Variants in MYO7B observed in about 807,000 individuals in gnomAD.
MYO7B encodes the protein unconventional myosin-VIIb.
A neutral mutation model predicts 259.7 loss-of-function variants in MYO7B; 212 were observed. The ratio of observed to expected loss-of-function variants is 0.82; its 90% CI spans 0.73 to 0.91. MYO7B has a LOEUF of 0.91. MYO7B is among the 40% of genes least tolerant of loss of function. MYO7B has a pLI of 0.00. For missense variants in MYO7B, 2,732 were observed against 2,813.5 expected, an observed-to-expected ratio of 0.97 and a Z score of 0.66; for synonymous variants, 1,197 against 1,166.4, an observed-to-expected ratio of 1.03 and a Z score of -0.54.
Position 127,637,533 on chromosome 2 carries a change from C to G in MYO7B, c.*116C>G. 2.5e-6 allele frequency: 2 copies of G among 785,548 alleles called. No homozygotes were observed. Among genetic ancestry groups the G allele is most frequent in the Non-Finnish European group, 2.0e-6 (1 of 512,776 alleles). 48.7% of individuals were successfully genotyped at this position (785,548 alleles called of 1,614,324 possible). The stretch of plus-strand genomic sequence containing the variant: ...TGGCGGGCAGCCTTCCATGCTGCCC[C>G]CCATACAAAGCCCACTCAGCCCCGC... On this transcript the variant is annotated 3_prime_UTR_variant, in exon 48 of 48. Transcript: ENST00000409816.
At position 127,635,129 on chromosome 2, in the gene MYO7B, T is replaced by C. The variant is rs753302129; in HGVS notation, c.5723T>C (p.Val1908Ala). 1.9e-6 allele frequency: 3 copies of C among 1,612,448 alleles called. No individual in the cohort carries two copies. In the East Asian group the frequency reaches 6.7e-5, roughly 36 times the overall value. Residue 1908 changes from valine (V) to alanine (A), a missense_variant, in exon 43 of 48, where the codon GTG (valine) becomes GCG (alanine). By Grantham distance (64) the Val-to-Ala change is moderately conservative. Transcript: ENST00000409816. Reference sequence around the variant, plus strand: ...GCTGGCCCTCGCCCAGGGGCCCCCGTGACGCTCCCCTACCAGGTGTACTTC... The same window carrying C: ...GCTGGCCCTCGCCCAGGGGCCCCCGCGACGCTCCCCTACCAGGTGTACTTC... ...KNKPQKEGAP[V>A]TLPYQVYFMR...
intron 19 of MYO7B, among the ~76,000 whole-genome samples, chr2:127,604,760 A>G (rs764585026): frequency 4.6e-5 from 7 of 152,180 alleles, no homozygotes; most frequent in Non-Finnish European, 8.8e-5. Context: ...CAGAGAAAAG[A>G]GAGAGAGATG....
chr2:127,553,470 T>A (rs1693529395), intron 1 of MYO7B, among the ~76,000 whole-genome samples: 1 of 152,246 alleles, frequency 6.6e-6, no homozygotes, highest in East Asian at 1.9e-4. Flanking sequence ...TAGAGGGCTT[T>A]CACTTCCTTG....
In MYO7B at chr2:127,564,273, G is replaced by C. The variant is rs1404365611; in HGVS notation, c.132+7G>C. The C allele has an allele frequency of 1.3e-6, 2 of 1,556,078 alleles. No individual in the cohort carries two copies. Among genetic ancestry groups the C allele is most frequent in the Non-Finnish European group, 1.7e-6 (2 of 1,148,314 alleles). On this transcript the variant is annotated splice_region_variant and intron_variant, in intron 3 of 47. Transcript: ENST00000409816. The stretch of plus-strand genomic sequence containing the variant: ...TGAAGATGACGAGGGCAAGGTCAGT[G>C]TTCTGGGGTTTCCTCTGGGCCCTGC...
Position 127,565,213 on chromosome 2 carries a change from G to A in MYO7B, c.133-20G>A. 6.2e-7 allele frequency: 1 copy of A among 1,611,304 alleles called. No homozygotes were observed. Among genetic ancestry groups the A allele is most frequent in the South Asian group, 1.1e-5 (1 of 90,662 alleles). ...GGGATGGAGGCCACCCCTCAGGGGA[G>A]TCTGCACCCATTGTTCCAGGAACAC... On this transcript the variant is annotated intron_variant, in intron 3 of 47. Coordinates refer to ENST00000409816, the MANE Select transcript of MYO7B (RefSeq NM_001393586.1).
At position 127,584,001 on chromosome 2, in the gene MYO7B, T is replaced by G. The variant is rs1372543629; in HGVS notation, c.1344-121T>G. ...CATCTCTGTGTACACGAGGTGTGCA[T>G]CTGTGGGCATATCTGTATGCAGCTG... On this transcript the variant is annotated intron_variant, in intron 12 of 47. Transcript: ENST00000409816. The surrounding 1 kb of genome is among the most constrained non-coding windows in gnomAD (Gnocchi z 5.8). 2.4e-6 allele frequency: 2 copies of G among 824,710 alleles called. No homozygotes were observed. The highest frequency in any genetic ancestry group is 3.4e-5 in the African/African-American group (2 of 59,308). The allele number at this position is 824,710 out of a possible 1,614,324, so 51.1% of individuals were successfully genotyped here. A position where few individuals can be genotyped will look rare whatever the true frequency, so the allele number is the denominator to read the frequency against.
chr2:127,609,631 C>G lies in MYO7B; in HGVS notation c.2940C>G (p.Tyr980Ter). The change falls in exon 23 of 48, where the codon TAC becomes TAG. Residue 980 changes from tyrosine to a stop codon, truncating the protein, a stop_gained. Transcript: ENST00000409816. LOFTEE classifies it high-confidence loss of function. This position sits in a 1 kb window ranked among gnomAD's most constrained non-coding sequence, Gnocchi z 6.9. Reference protein sequence around the residue: ...EYTFPKFAVTYFQKSASHTHI... With the variant: ...EYTFPKFAVT ...CCTTCCCCAAGTTTGCTGTGACTTA[C>G]TTCCAGAAATCAGCCAGCCACACAC... is the stretch of plus-strand genomic sequence containing the variant. 6.2e-7 allele frequency: 1 copy of G among 1,614,034 alleles called. No homozygotes were observed. Among genetic ancestry groups the G allele is most frequent in the Non-Finnish European group, 8.5e-7 (1 of 1,179,906 alleles).
chr2:127,629,609 C>T, intron 34 of MYO7B, 36 bp from the exon 35 acceptor site: 1 of 1,592,118 alleles, frequency 6.3e-7, no homozygotes, highest in Non-Finnish European at 8.6e-7. Flanking sequence ...CTGGCCCCTG[C>T]AGAGCCCTCA....
Position 127,584,128 on chromosome 2 carries a change from G to A in MYO7B, c.1350G>A (p.Glu450=). ...AGTGACCTTGCCTCCACAGCTTCGA[G>A]CAGCTCTGCATCAACTTCGCCAACG... ...GFENFENNSF[E]QLCINFANEH... The change falls in exon 13 of 48, where the codon GAG becomes GAA. Residue 450 remains glutamate, a synonymous_variant. Coordinates refer to ENST00000409816, the MANE Select transcript of MYO7B (RefSeq NM_001393586.1). The surrounding 1 kb of genome is among the most constrained non-coding windows in gnomAD (Gnocchi z 5.8). 1 of 1,612,672 alleles carries A rather than the reference G, an allele frequency of 6.2e-7. No homozygotes were observed. The highest frequency in any genetic ancestry group is 1.1e-5 in the South Asian group (1 of 90,802).
intron 19 of MYO7B, among the ~76,000 whole-genome samples, chr2:127,599,298 T>A (rs536777394): frequency 6.6e-6 from 1 of 152,344 alleles, no homozygotes; most frequent in East Asian, 1.9e-4. Context: ...CATGTTTTTT[T>A]TGGAATTATA....
At position 127,552,557 on chromosome 2, in the gene MYO7B, G is replaced by A. The variant is rs540118738; in HGVS notation, c.-23-7143G>A. Among the ~76,000 whole-genome samples, 22 of 152,304 alleles carry A rather than the reference G, an allele frequency of 1.4e-4. No individual in the cohort carries two copies. In the South Asian group the frequency reaches 2.5e-3, roughly 17 times the overall value. On this transcript the variant is annotated intron_variant, in intron 1 of 47. Coordinates refer to ENST00000409816, the MANE Select transcript of MYO7B (RefSeq NM_001393586.1). ...AGGGCTGGGGGTCAGAGGAGGAGAC[G>A]TCTATGGTATGTGACAGGCCATGTG... is the stretch of plus-strand genomic sequence containing the variant.
rs1680188543 is a variant in MYO7B, at chr2:127,607,233, G to A, written c.2452G>A (p.Ala818Thr). 9 of 1,549,886 alleles carry A rather than the reference G, an allele frequency of 5.8e-6. No homozygotes were observed. Among genetic ancestry groups the A allele is most frequent in the Middle Eastern group, 1.9e-4 (1 of 5,192 alleles). The change falls in exon 21 of 48, where the codon GCT (alanine) becomes ACT (threonine). Residue 818 changes from alanine to threonine, a missense_variant. Around this residue, in one of 3 missense-constraint regions of MYO7B, gnomAD observed 1,906 missense variants for 2,026.4 expected, o/e 0.94. Transcript: ENST00000409816. The surrounding 1 kb of genome is among the most constrained non-coding windows in gnomAD (Gnocchi z 4.4). Reference sequence around the variant, plus strand: ...CCTCGTGGGCTTTGAGCGCCTGCAGGCTATTGCCCGGAGCCAGCCGCTGGC... The same window carrying A: ...CCTCGTGGGCTTTGAGCGCCTGCAGACTATTGCCCGGAGCCAGCCGCTGGC... ...LILVGFERLQ[A>T]IARSQPLARQ...
In MYO7B at chr2:127,547,445, C is replaced by A. The variant is rs200159357; in HGVS notation, c.-24+11614C>A. Among the ~76,000 whole-genome samples the A allele has an allele frequency of 5.3e-5, 8 of 152,280 alleles. No homozygotes were observed. In the East Asian group the frequency reaches 7.7e-4, roughly 15 times the overall value. ...AAATTCATATCAGATCAAGTACAGA[C>A]ACACTGAGGTAAAAGAGAACATGGG... On this transcript the variant is annotated intron_variant, in intron 1 of 47. Transcript: ENST00000409816.
chr2:127,581,169 C>A (rs1023210963), intron 10 of MYO7B, among the ~76,000 whole-genome samples: 1 of 152,170 alleles, frequency 6.6e-6, no homozygotes, highest in Non-Finnish European at 1.5e-5. Flanking sequence ...ATCAGACTAG[C>A]CCTGCCCTGT....
In MYO7B at chr2:127,627,408, C is replaced by T. The variant is rs566535412; in HGVS notation, c.4460+98C>T. On this transcript the variant is annotated intron_variant, in intron 33 of 47. Transcript: ENST00000409816. The surrounding 1 kb of genome is among the most constrained non-coding windows in gnomAD (Gnocchi z 5.6). Reference sequence around the variant, plus strand: ...TGGGGAGAGGGGCAGTGTGCCGTCCCGGGTAACAGGCCGGGGTGGAGGGAC... The same window carrying T: ...TGGGGAGAGGGGCAGTGTGCCGTCCTGGGTAACAGGCCGGGGTGGAGGGAC... The T allele has an allele frequency of 6.9e-5, 104 of 1,512,824 alleles. No homozygotes were observed. Among genetic ancestry groups the T allele is most frequent in the Middle Eastern group, 3.4e-4 (2 of 5,864 alleles). The allele number at this position is 1,512,824 out of a possible 1,614,324, so 93.7% of individuals were successfully genotyped here. A position where few individuals can be genotyped will look rare whatever the true frequency, so the allele number is the denominator to read the frequency against.
rs1047474815 is a variant in MYO7B at position 127,578,148 on chromosome 2, T to C, written c.865T>C (p.Cys289Arg). 7.4e-6 allele frequency: 12 copies of C among 1,613,786 alleles called. No homozygotes were observed. Among genetic ancestry groups the C allele is most frequent in the Non-Finnish European group, 1.7e-6 (2 of 1,179,868 alleles). Residue 289 changes from cysteine to arginine, a missense_variant, in exon 9 of 48, where the codon TGT (cysteine) becomes CGT (arginine). Physicochemically the swap from Cys to Arg is radical, Grantham distance 180. This residue lies in a region of MYO7B where 1,906 missense variants were observed against 2,026.4 expected (regional missense o/e 0.94). Coordinates refer to ENST00000409816, the MANE Select transcript of MYO7B (RefSeq NM_001393586.1). ...HYLTMGNCTS[C>R]EGLNDAKDYA... is the part of the protein sequence containing the mutation. Reference sequence around the variant, plus strand: ...TGTCCCTCAGGGGAACTGCACTTCCTGTGAGGGGCTCAACGACGCCAAGGA... The same window carrying C: ...TGTCCCTCAGGGGAACTGCACTTCCCGTGAGGGGCTCAACGACGCCAAGGA...
chr2:127,634,135 C>G, intron 40 of MYO7B, 41 bp from the exon 41 acceptor site: 1 of 1,506,008 alleles, frequency 6.6e-7, no homozygotes, highest in South Asian at 1.2e-5. Context: ...GTACTGGCCC[C>G]TAGCCAGGCC....
In MYO7B at chr2:127,636,441, G is replaced by A. The variant is rs538634016; in HGVS notation, c.6124-104G>A. 5.1e-5 allele frequency: 73 copies of A among 1,419,854 alleles called. No individual in the cohort carries two copies. The East Asian group carries it at 1.0e-3, about 20-fold the overall frequency. 88.0% of individuals were successfully genotyped at this position (1,419,854 alleles called of 1,614,324 possible). A position where few individuals can be genotyped will look rare whatever the true frequency, so the allele number is the denominator to read the frequency against. On this transcript the variant is annotated intron_variant, in intron 45 of 47. Coordinates refer to ENST00000409816, the MANE Select transcript of MYO7B (RefSeq NM_001393586.1). The surrounding 1 kb of genome is among the most constrained non-coding windows in gnomAD (Gnocchi z 4.5). ...GGTGGGGCTGGCCGTGAGGCTGGAGGGCGTGGGTGTATGTGTGTATGTGCG... is the reference window on the plus strand; with the variant it reads ...GGTGGGGCTGGCCGTGAGGCTGGAGAGCGTGGGTGTATGTGTGTATGTGCG...
chr2:127,636,999 GCTCA>G lies in MYO7B; in HGVS notation c.6327+89_6327+92del, dbSNP rs755339714. The G allele has an allele frequency of 8.9e-6, 14 of 1,569,364 alleles. No individual in the cohort carries two copies. The highest frequency in any genetic ancestry group is 2.3e-5 in the East Asian group (1 of 43,232). On this transcript the variant is annotated intron_variant, in intron 47 of 47. Transcript: ENST00000409816. This position sits in a 1 kb window ranked among gnomAD's most constrained non-coding sequence, Gnocchi z 4.5. ...TCCCCACCCTCACCCCTTTCAAGTG[GCTCA>G]CTAAGAGGGCTCAGTCACAGGGCCC...
Sources: allele counts gnomAD v4.1 joint callset (sites outside exome capture counted in the v4.1 genomes callset), GRCh38; gene constraint gnomAD v4.1.1; regional missense constraint gnomAD v4.1.1; non-coding constraint Gnocchi (gnomAD v3.1); transcripts MANE v1.5; gene names NCBI Gene and HGNC (gene_info 2026-07-23, HGNC 2026-07-21).